The following ZBTB37 variants were observed in gnomAD, a reference collection of about 807,000 sequenced individuals.
The protein encoded by ZBTB37 is zinc finger and BTB domain containing 37.
In ZBTB37, 15 loss-of-function variants were observed where a neutral mutation model predicts 37.7. That is an observed-to-expected ratio of 0.40 (90% CI 0.27 to 0.61). ZBTB37 has a LOEUF of 0.61. Among genes scored for constraint, ZBTB37 ranks in the 20% least tolerant of loss-of-function variants. ZBTB37 has a pLI of 0.44. For synonymous variants in ZBTB37, 231 were observed against 220.6 expected, an observed-to-expected ratio of 1.05 and a Z score of -0.42; for missense variants, 514 against 641.9, an observed-to-expected ratio of 0.80 and a Z score of 2.15.
At chr1:173,872,221 C>T (rs762845901) in intron 3 of ZBTB37, among the ~76,000 whole-genome samples, 1 of 151,806 alleles carries the variant, frequency 6.6e-6, no homozygotes, top group East Asian at 1.9e-4. Flanking sequence ...GGTCCCTGCC[C>T]CCATGCTCAG....
intron 4 of ZBTB37, among the ~76,000 whole-genome samples, chr1:173,882,285 A>G (rs558526227): frequency 1.7e-5 from 2 of 119,444 alleles, no homozygotes; most frequent in Non-Finnish European, 3.2e-5. Flanking sequence ...TCTGTCGTCC[A>G]GGCTGGAGTG....
exon 5 of ZBTB37, chr1:173,885,747 G>T: frequency 6.4e-7 from 1 of 1,551,600 alleles, no homozygotes; most frequent in Non-Finnish European, 8.7e-7. Flanking sequence ...CATCTATTGC[G>T]CCAAATCTTT....
intron 4 of ZBTB37, among the ~76,000 whole-genome samples, chr1:173,881,364 T>C (rs1434148338): frequency 6.6e-6 from 1 of 152,244 alleles, no homozygotes; most frequent in Admixed American, 6.5e-5. Flanking sequence ...TTGTGGACAT[T>C]TGGATTGGTT....
chr1:173,889,083 C>G (rs574436592), downstream of ZBTB37: 1 of 152,314 alleles, frequency 6.6e-6, no homozygotes, highest in East Asian at 1.9e-4. Context: ...TAGCCAGAGC[C>G]ACAAAATTCA....
At chr1:173,890,388 T>G (rs796386645), downstream of ZBTB37, 1 of 152,088 alleles carries the variant, frequency 6.6e-6, no homozygotes, top group African/African-American at 2.4e-5. Flanking sequence ...TCAGGAAGAG[T>G]TGGAATCCTG....
downstream of ZBTB37, chr1:173,890,839 A>C: frequency 6.6e-6 from 1 of 152,218 alleles, no homozygotes; most frequent in East Asian, 1.9e-4. Context: ...ACTTGTGACA[A>C]AGATCACGTG....
exon 3 of ZBTB37, chr1:173,870,633 A>C (rs1283467004): frequency 6.2e-7 from 1 of 1,614,226 alleles, no homozygotes; most frequent in Admixed American, 1.7e-5. Context: ...AGGTTGAAGC[A>C]GAATTAAGTC....
intron 2 of ZBTB37, among the ~76,000 whole-genome samples, chr1:173,869,591 C>T (rs1296473526): frequency 6.6e-6 from 1 of 152,174 alleles, no homozygotes; most frequent in Non-Finnish European, 1.5e-5. Context: ...TGAATCCTGG[C>T]ACAGCTGTGG....
intron 2 of ZBTB37, 143 bp from the exon 3 acceptor site, chr1:173,870,057 A>G (rs759589359): frequency 1.7e-6 from 1 of 590,830 alleles, no homozygotes; most frequent in Non-Finnish European, 2.8e-6. Context: ...CTGTTTCCAC[A>G]TCTAAATATA....
chr1:173,896,462 C>T (rs1298696192), exon 4 of ZBTB37: 2 of 152,226 alleles, frequency 1.3e-5, no homozygotes, highest in East Asian at 1.9e-4. Context: ...CCTTTGGGCC[C>T]TCCTATAGAT....
At chr1:173,882,742 A>G (rs1656406164) in intron 4 of ZBTB37, among the ~76,000 whole-genome samples, 1 of 152,060 alleles carries the variant, frequency 6.6e-6, no homozygotes, top group Admixed American at 6.5e-5. Context: ...ATCCATCTTG[A>G]ATTAATTTTT....
exon 5 of ZBTB37, chr1:173,886,341 C>G (rs1378194852): frequency 4.4e-6 from 3 of 677,534 alleles, no homozygotes; most frequent in Non-Finnish European, 7.0e-6. Flanking sequence ...AATAATCAAG[C>G]AAATCAACTT....
At chr1:173,897,101 A>G (rs1314399460) in exon 4 of ZBTB37, 1 of 152,238 alleles carries the variant, frequency 6.6e-6, no homozygotes, top group Non-Finnish European at 1.5e-5. Context: ...ATGCATGTGC[A>G]TTGAACCCAG....
chr1:173,869,829 G>A (rs1436021435), intron 2 of ZBTB37, among the ~76,000 whole-genome samples: 1 of 152,210 alleles, frequency 6.6e-6, no homozygotes, highest in Non-Finnish European at 1.5e-5. Flanking sequence ...GAGAAAAGTT[G>A]TAAAGTTATG....
In ZBTB37 at chr1:173,882,285, A is replaced by C. The variant is rs558526227; in HGVS notation, c.1024-3351A>C. Among the ~76,000 whole-genome samples, 45 of 119,466 alleles carry C rather than the reference A, an allele frequency of 3.8e-4. 1 individual carries two copies. The highest frequency in any genetic ancestry group is 1.4e-3 in the African/African-American group (43 of 29,798). The allele number at this position is 119,466 out of a possible 152,430, so 78.4% of individuals were successfully genotyped here. A position where few individuals can be genotyped will look rare whatever the true frequency, so the allele number is the denominator to read the frequency against. On this transcript the variant is annotated intron_variant, in intron 4 of 4. Coordinates refer to ENST00000427304, the Ensembl canonical transcript of ZBTB37. Reference sequence around the variant, plus strand: ...GAGACAGAGTCTGGCTCTGTCGTCCAGGCTGGAGTGCAGTGGCGCAATCTC... The same window carrying C: ...GAGACAGAGTCTGGCTCTGTCGTCCCGGCTGGAGTGCAGTGGCGCAATCTC...
chr1:173,873,239 T>C (rs1215756299), intron 3 of ZBTB37, among the ~76,000 whole-genome samples: 1 of 152,226 alleles, frequency 6.6e-6, no homozygotes, highest in Admixed American at 6.5e-5. Context: ...CTTCACCAGC[T>C]CATATGTTCT....
chr1:173,902,268 C>G (rs983486274), exon 4 of ZBTB37: 6 of 152,142 alleles, frequency 3.9e-5, no homozygotes, highest in Non-Finnish European at 7.3e-5. Flanking sequence ...CTAAAGGCTA[C>G]CATAATATTT....
chr1:173,885,630 G>C lies in ZBTB37; in HGVS notation c.1024-6G>C, dbSNP rs1176357773. On this transcript the variant is annotated splice_region_variant and splice_polypyrimidine_tract_variant and intron_variant, in intron 4 of 4. Transcript: ENST00000427304. The stretch of plus-strand genomic sequence containing the variant: ...CTTTCTTGGTTATTTTCCTTACCTG[G>C]TACAGGTAGAAGAGTCAGCAATGAT... 2 of 1,542,586 alleles carry C rather than the reference G, an allele frequency of 1.3e-6. No homozygotes were observed. Among genetic ancestry groups the C allele is most frequent in the Admixed American group, 2.0e-5 (1 of 49,984 alleles).
intron 3 of ZBTB37, among the ~76,000 whole-genome samples, chr1:173,872,814 C>G (rs1164648890): frequency 1.0e-5 from 1 of 96,706 alleles, no homozygotes; most frequent in Non-Finnish European, 2.1e-5. Context: ...TTGAGACCAG[C>G]CTGGCCAACA....
Sources: allele counts gnomAD v4.1 joint callset (sites outside exome capture counted in the v4.1 genomes callset), GRCh38; gene constraint gnomAD v4.1.1; transcripts MANE v1.5; gene names NCBI Gene and HGNC (gene_info 2026-07-23, HGNC 2026-07-21).